Variants in MRC1 observed in about 807,000 individuals in gnomAD.
The protein encoded by MRC1 is macrophage mannose receptor 1.
In MRC1, 62 loss-of-function variants were observed where a neutral mutation model predicts 102.9. The observed-to-expected ratio is 0.60, with a 90% CI of 0.49 to 0.74. The LOEUF is 0.74. Among genes scored for constraint, MRC1 ranks in the 30% least tolerant of loss-of-function variants. MRC1 has a pLI of 0.00. For synonymous variants in MRC1, 457 were observed against 298.4 expected (o/e 1.53, Z -5.48); for missense variants, 1,237 against 862.8 (o/e 1.43, Z -5.43).
At chr10:17,840,065 CAAAA>C (rs35908194) in intron 4 of MRC1, among the ~76,000 whole-genome samples, 1 of 103,064 alleles carries the variant, frequency 9.7e-6, no homozygotes. Flanking sequence ...GACTCCAACT[CAAAA>C]AAAAAAAAAA....
intron 7 of MRC1, among the ~76,000 whole-genome samples, chr10:17,852,312 G>T (rs1302261028): frequency 6.6e-6 from 1 of 152,130 alleles, no homozygotes; most frequent in Non-Finnish European, 1.5e-5. Context: ...GGCATTTCAT[G>T]ATGAAAATGA....
chr10:17,854,505 A>G (rs891534658), intron 8 of MRC1, among the ~76,000 whole-genome samples: 3 of 152,078 alleles, frequency 2.0e-5, no homozygotes, highest in Non-Finnish European at 4.4e-5. Context: ...GAAATCATGA[A>G]GTCAGAGCCG....
intron 9 of MRC1, among the ~76,000 whole-genome samples, chr10:17,860,364 C>T (rs1013688218): frequency 7.9e-5 from 12 of 151,880 alleles, no homozygotes; most frequent in Non-Finnish European, 1.2e-4. Flanking sequence ...TAGCCTCCAC[C>T]TCCTTGGCTC....
At position 17,845,380 on chromosome 10, in the gene MRC1, G is replaced by C. The variant is rs1838810773; in HGVS notation, c.1008G>C (p.Leu336=). 2.6e-6 allele frequency: 2 copies of C among 780,826 alleles called. No individual in the cohort carries two copies. The highest frequency in any genetic ancestry group is 4.8e-5 in the East Asian group (2 of 41,252). The allele number at this position is 780,826 out of a possible 1,614,324, so 48.4% of individuals were successfully genotyped here. A position where few individuals can be genotyped will look rare whatever the true frequency, so the allele number is the denominator to read the frequency against. Residue 336 remains leucine, a synonymous_variant, in exon 6 of 30, where the codon CTG becomes CTC. Transcript: ENST00000569591. ...AAAATCTGGAATGTGTTCAGAAACTGGGCTATATTTGCAAAAAGGGCAACA... is the reference window on the plus strand; with the variant it reads ...AAAATCTGGAATGTGTTCAGAAACTCGGCTATATTTGCAAAAAGGGCAACA... ...KWENLECVQK[L]GYICKKGNTT...
intron 15 of MRC1, among the ~76,000 whole-genome samples, chr10:17,872,646 C>T (rs929240933): frequency 4.6e-5 from 7 of 152,116 alleles, no homozygotes; most frequent in Admixed American, 3.9e-4. Flanking sequence ...CGCATGCTGA[C>T]AGCCATTATC....
At chr10:17,821,452 TC>T (rs1838394918) in intron 1 of MRC1, among the ~76,000 whole-genome samples, 1 of 152,168 alleles carries the variant, frequency 6.6e-6, no homozygotes, top group South Asian at 2.1e-4. Flanking sequence ...CATGGCTGGG[TC>T]TTGGTACCCA....
At chr10:17,879,684 T>C (rs1056354747) in intron 18 of MRC1, 37 bp from the exon 19 acceptor site, 4 of 780,710 alleles carry the variant, frequency 5.1e-6, no homozygotes, top group Non-Finnish European at 7.2e-6. Flanking sequence ...AGTCTAATGA[T>C]TGGATCGTTT....
At position 17,856,369 on chromosome 10, in the gene MRC1, C is replaced by A. The variant is rs1833092816; in HGVS notation, c.1518+17C>A. 2.4e-6 allele frequency: 2 copies of A among 835,300 alleles called. No homozygotes were observed. Among genetic ancestry groups the A allele is most frequent in the African/African-American group, 3.3e-5 (2 of 60,592 alleles). The allele number at this position is 835,300 out of a possible 1,614,324, so 51.7% of individuals were successfully genotyped here. Reference sequence around the variant, plus strand: ...TGCAGGAAAGTGAGTGCACCATGCCCACAGTGACTTAAGCTGAGCACGTAT... The same window carrying A: ...TGCAGGAAAGTGAGTGCACCATGCCAACAGTGACTTAAGCTGAGCACGTAT... On this transcript the variant is annotated intron_variant, in intron 9 of 29. Transcript: ENST00000569591.
chr10:17,823,490 A>G lies in MRC1; in HGVS notation c.463+15A>G. ...AGGTTATGAAGGTAAGATGCCTGGA[A>G]TTTTCACCTTCGTGTTGAAATTTTC... On this transcript the variant is annotated intron_variant, in intron 2 of 29. Transcript: ENST00000569591. 1.3e-6 allele frequency: 1 copy of G among 780,384 alleles called. No homozygotes were observed. Among genetic ancestry groups the G allele is most frequent in the Non-Finnish European group, 2.4e-6 (1 of 417,892 alleles). The allele number at this position is 780,384 out of a possible 1,614,324, so 48.3% of individuals were successfully genotyped here. A position where few individuals can be genotyped will look rare whatever the true frequency, so the allele number is the denominator to read the frequency against.
intron 1 of MRC1, among the ~76,000 whole-genome samples, chr10:17,814,441 A>G (rs1554837675): frequency 1.3e-5 from 2 of 152,172 alleles, no homozygotes. Flanking sequence ...GGTGCTTTAC[A>G]TAAATGATCT....
At chr10:17,865,655 A>T (rs1833255742) in intron 11 of MRC1, among the ~76,000 whole-genome samples, 1 of 152,192 alleles carries the variant, frequency 6.6e-6, no homozygotes, top group Non-Finnish European at 1.5e-5. Flanking sequence ...GGTCAACTGA[A>T]TTGATTCTGA....
chr10:17,898,196 G>A lies in MRC1; in HGVS notation c.3413G>A (p.Ser1138Asn). 1.3e-6 allele frequency: 1 copy of A among 780,878 alleles called. No individual in the cohort carries two copies. Among genetic ancestry groups the A allele is most frequent in the Middle Eastern group, 2.3e-4 (1 of 4,436 alleles). The allele number at this position is 780,878 out of a possible 1,614,324, so 48.4% of individuals were successfully genotyped here. A position where few individuals can be genotyped will look rare whatever the true frequency, so the allele number is the denominator to read the frequency against. ...ATAGCCAGCATTCTGGATCCCTACA[G>A]TAATGCATTTGCGTGGCTGCAGATG... ...SLIASILDPYSNAFAWLQMET... is the reference protein window; with the variant it reads ...SLIASILDPYNNAFAWLQMET... Residue 1138 changes from serine (S) to asparagine (N), a missense_variant, in exon 24 of 30, where the codon AGT becomes AAT. Transcript: ENST00000569591.
In MRC1 at chr10:17,833,790, C is replaced by T. The variant is rs138394788; in HGVS notation, c.753C>T (p.Asn251=). Residue 251 remains asparagine, a synonymous_variant, in exon 4 of 30, where the codon AAC becomes AAT. Coordinates refer to ENST00000569591, the MANE Select transcript of MRC1 (RefSeq NM_002438.4). ...HQARKSCQQQ[N]AELLSITEIH... Reference sequence around the variant, plus strand: ...CGAGGAAAAGCTGCCAACAACAGAACGCTGAGCTCCTGAGCATCACAGAGA... The same window carrying T: ...CGAGGAAAAGCTGCCAACAACAGAATGCTGAGCTCCTGAGCATCACAGAGA... 288 of 781,090 alleles carry T rather than the reference C, an allele frequency of 3.7e-4. 1 individual carries two copies. Among genetic ancestry groups the T allele is most frequent in the Non-Finnish European group, 4.6e-4 (194 of 418,128 alleles). 48.4% of individuals were successfully genotyped at this position (781,090 alleles called of 1,614,324 possible).
chr10:17,811,304 G>C (rs1299587227), intron 1 of MRC1, among the ~76,000 whole-genome samples: 1 of 152,242 alleles, frequency 6.6e-6, no homozygotes, highest in South Asian at 2.1e-4. Context: ...ATACTGGGCA[G>C]CACAGACACA....
intron 9 of MRC1, among the ~76,000 whole-genome samples, chr10:17,856,947 C>G (rs1423093482): frequency 1.3e-5 from 2 of 152,230 alleles, no homozygotes; most frequent in Non-Finnish European, 2.9e-5. Context: ...CACACAGAAG[C>G]TATGAAAACA....
chr10:17,829,273 C>T (rs2477630), intron 3 of MRC1, among the ~76,000 whole-genome samples: 104,094 of 151,212 alleles, frequency 0.69, 36,920 homozygotes, highest in African/African-American at 0.81. Context: ...TTAAAAAATA[C>T]CTGAATTTGA....
chr10:17,906,757 T>C, intron 26 of MRC1, 129 bp from the exon 27 acceptor site: 1 of 752,862 alleles, frequency 1.3e-6, no homozygotes, highest in Admixed American at 1.9e-5. Flanking sequence ...CACCTGCCCT[T>C]TGAAATTCTT....
intron 20 of MRC1, 45 bp from the exon 21 acceptor site, chr10:17,881,022 A>C (rs1833506669): frequency 2.6e-6 from 2 of 779,134 alleles, no homozygotes; most frequent in African/African-American, 3.4e-5. Context: ...TCTTTAGTTA[A>C]CCCCTGCAGT....
At chr10:17,834,506 G>A (rs1350527068) in intron 4 of MRC1, among the ~76,000 whole-genome samples, 27 of 152,048 alleles carry the variant, frequency 1.8e-4, no homozygotes, top group Non-Finnish European at 2.2e-4. Context: ...TCCACCTCCC[G>A]GGTTCACATG....
Sources: allele counts gnomAD v4.1 joint callset (sites outside exome capture counted in the v4.1 genomes callset), GRCh38; gene constraint gnomAD v4.1.1; transcripts MANE v1.5; gene names NCBI Gene and HGNC (gene_info 2026-07-23, HGNC 2026-07-21).